Variants in CDH23 observed in about 807,000 individuals in gnomAD.
CDH23 encodes the protein cadherin related 23.
Under a neutral mutation model 317.1 loss-of-function variants are expected in CDH23, and 189 were observed. That is an observed-to-expected ratio of 0.60 (90% confidence interval 0.53 to 0.67). The LOEUF is 0.67. Among genes scored for constraint, CDH23 ranks in the 30% least tolerant of loss-of-function variants. CDH23 has a pLI of 0.00. For synonymous variants in CDH23, 1,839 were observed against 1,876.8 expected (o/e 0.98, Z 0.52); for missense variants, 4,401 against 4,592.4 (o/e 0.96, Z 1.20).
intron 1 of CDH23, among the ~76,000 whole-genome samples, chr10:71,425,987 G>A (rs1849059861): frequency 6.6e-6 from 1 of 152,212 alleles, no homozygotes; most frequent in African/African-American, 2.4e-5. Context: ...AGAGAAGAAG[G>A]TGGAGACTTG....
At chr10:71,616,994 T>TA (rs1223916939) in intron 10 of CDH23, among the ~76,000 whole-genome samples, 3 of 152,338 alleles carry the variant, frequency 2.0e-5, no homozygotes, top group African/African-American at 7.2e-5. Context: ...TGAATCCTTA[T>TA]ACAAGTTACT....
At chr10:71,657,974 C>T (rs1299383156) in intron 14 of CDH23, among the ~76,000 whole-genome samples, 2 of 152,216 alleles carry the variant, frequency 1.3e-5, no homozygotes, top group Admixed American at 1.3e-4. Context: ...GCCCTGCCCC[C>T]AGGCTGGCCT....
intron 6 of CDH23, among the ~76,000 whole-genome samples, chr10:71,555,132 C>T (rs1856808242): frequency 6.6e-6 from 1 of 152,180 alleles, no homozygotes; most frequent in Non-Finnish European, 1.5e-5. Context: ...GAGATTATGA[C>T]TCTAAATAGC....
At chr10:71,597,728 T>C (rs1859954280) in intron 9 of CDH23, among the ~76,000 whole-genome samples, 1 of 152,344 alleles carries the variant, frequency 6.6e-6, no homozygotes, top group Admixed American at 6.5e-5. Flanking sequence ...ATGGCTACCA[T>C]TGTCCACCTT....
intron 6 of CDH23, among the ~76,000 whole-genome samples, chr10:71,564,398 C>T (rs1337667383): frequency 1.3e-5 from 2 of 152,242 alleles, no homozygotes; most frequent in East Asian, 3.8e-4. Flanking sequence ...ATATGAATGG[C>T]TCCTTGCCAG....
At chr10:71,788,419 G>C (rs980441427) in intron 44 of CDH23, among the ~76,000 whole-genome samples, 7 of 151,980 alleles carry the variant, frequency 4.6e-5, no homozygotes, top group African/African-American at 1.7e-4. Flanking sequence ...GTGGCTTATT[G>C]CATTTCTCTG....
At position 71,812,503 on chromosome 10, in the gene CDH23, C is replaced by A. The variant is rs1453072581; in HGVS notation, c.9404C>A (p.Pro3135His). ...AGAGCCAACCCTGTGTGGCTGGATC[C>A]CTTCTGTCGGAACCTGGAGCTGGCC... ...FDGANPVWLD[P>H]FCRNLELAAQ... The change falls in exon 67 of 70, where the codon CCC becomes CAC. Residue 3135 changes from proline (P) to histidine (H), a missense_variant. Physicochemically the swap from Pro to His is moderately conservative, Grantham distance 77 (BLOSUM62 -2). Transcript: ENST00000224721. 6.3e-7 allele frequency: 1 copy of A among 1,598,148 alleles called. No homozygotes were observed. The highest frequency in any genetic ancestry group is 1.1e-5 in the South Asian group (1 of 90,904).
At chr10:71,459,085 C>CTTTTTTTTTTT (rs372627407) in intron 3 of CDH23, among the ~76,000 whole-genome samples, 12 of 102,596 alleles carry the variant, frequency 1.2e-4, no homozygotes, top group Non-Finnish European at 1.9e-4. Flanking sequence ...CACACCTGGC[C>CTTTTTTTTTTT]TTTTTTTTTT....
intron 16 of CDH23, among the ~76,000 whole-genome samples, chr10:71,678,804 C>T (rs117669861): frequency 0.021 from 3,260 of 152,322 alleles, 195 homozygotes; most frequent in East Asian, 0.18. Context: ...TTCCTCCTTG[C>T]TTTCATGCAA....
In CDH23 at chr10:71,760,753, C is replaced by T. The variant is rs150052756; in HGVS notation, c.4846-16927C>T. ...TGCAGCAGCAGAAAAGGAGGAGGAC[C>T]GGGGGGTTCTGAGGGCTTGGGGTGA... On this transcript the variant is annotated intron_variant, in intron 38 of 69. Coordinates refer to ENST00000224721, the MANE Select transcript of CDH23 (RefSeq NM_022124.6). 896 of 927,476 alleles carry T rather than the reference C, an allele frequency of 9.7e-4. 7 individuals are homozygous for T. In the African/African-American group the frequency reaches 0.011, roughly 12 times the overall value. The allele number at this position is 927,476 out of a possible 1,614,324, so 57.5% of individuals were successfully genotyped here.
At chr10:71,481,832 C>T (rs1369758619) in intron 3 of CDH23, among the ~76,000 whole-genome samples, 2 of 152,208 alleles carry the variant, frequency 1.3e-5, no homozygotes, top group Non-Finnish European at 2.9e-5. Flanking sequence ...TGTGGGGCAG[C>T]CCTGAGTCTC....
In CDH23 at chr10:71,673,706, C is replaced by T. The variant is rs149339388; in HGVS notation, c.1450-1406C>T. Among the ~76,000 whole-genome samples the T allele has an allele frequency of 8.4e-3, 1,279 of 152,306 alleles. 11 individuals are homozygous for T. The highest frequency in any genetic ancestry group is 0.013 in the Non-Finnish European group (901 of 68,038). ...GCCTTGAGTGAACGATGTACTGTCT[C>T]GATGCCTCAGTTTCCCCATCTGTAA... On this transcript the variant is annotated intron_variant, in intron 14 of 69. Coordinates refer to ENST00000224721, the MANE Select transcript of CDH23 (RefSeq NM_022124.6).
At chr10:71,551,307 G>A (rs560276856) in intron 6 of CDH23, among the ~76,000 whole-genome samples, 2 of 152,218 alleles carry the variant, frequency 1.3e-5, no homozygotes, top group South Asian at 2.1e-4. Context: ...AATTCCTACC[G>A]CTGGTCTCTC....
chr10:71,442,683 G>A (rs1249623483), intron 2 of CDH23, among the ~76,000 whole-genome samples: 1 of 152,076 alleles, frequency 6.6e-6, no homozygotes, highest in Non-Finnish European at 1.5e-5. Flanking sequence ...GGGCAGGCCT[G>A]CCCCACCCCA....
chr10:71,809,442 G>A, intron 60 of CDH23, among the ~76,000 whole-genome samples: 1 of 152,112 alleles, frequency 6.6e-6, no homozygotes. Flanking sequence ...GCCTCCCAAA[G>A]TGTTGAGATT....
intron 28 of CDH23, chr10:71,715,463 C>G (rs754846664): frequency 6.5e-6 from 1 of 152,916 alleles, no homozygotes; most frequent in Non-Finnish European, 1.5e-5. Context: ...TGCCCCAGCA[C>G]TGGGCCAGCA....
chr10:71,436,378 T>C (rs182979772), intron 1 of CDH23, among the ~76,000 whole-genome samples: 1 of 152,360 alleles, frequency 6.6e-6, no homozygotes, highest in Non-Finnish European at 1.5e-5. Context: ...TGCATGTGTA[T>C]GCAGGCGCTC....
At chr10:71,667,657 G>A (rs1863972197) in intron 14 of CDH23, among the ~76,000 whole-genome samples, 1 of 152,082 alleles carries the variant, frequency 6.6e-6, no homozygotes, top group Non-Finnish European at 1.5e-5. Context: ...AACCTGTAAG[G>A]TGGGGGACCC....
At position 71,705,086 on chromosome 10, in the gene CDH23, C is replaced by T. The variant is rs202203105; in HGVS notation, c.2909C>T (p.Ala970Val). The T allele has an allele frequency of 3.8e-5, 61 of 1,611,506 alleles. No individual in the cohort carries two copies. The highest frequency in any genetic ancestry group is 5.3e-5 in the African/African-American group (4 of 74,796). The stretch of plus-strand genomic sequence containing the variant: ...CAGCTGCGGGTGGTGGCCAGTGATG[C>T]AGGCACGCCCACCAAGAGCTCCACC... ...EYQLRVVASD[A>V]GTPTKSSTST... Residue 970 changes from alanine to valine, a missense_variant, in exon 25 of 70, where the codon GCA becomes GTA. Transcript: ENST00000224721.
Sources: allele counts gnomAD v4.1 joint callset (sites outside exome capture counted in the v4.1 genomes callset), GRCh38; gene constraint gnomAD v4.1.1; transcripts MANE v1.5; gene names NCBI Gene and HGNC (gene_info 2026-07-23, HGNC 2026-07-21).